KCNMA1: variants seen among roughly 807,000 people sequenced by gnomAD.
KCNMA1 encodes Calcium-activated potassium channel subunit alpha-1.
A neutral mutation model predicts 140.0 loss-of-function variants in KCNMA1; 29 were observed. The ratio of observed to expected loss-of-function variants is 0.21; its 90% CI spans 0.15 to 0.28. The LOEUF is 0.28. Ranked by LOEUF, KCNMA1 falls within the 10% of genes least tolerant of loss-of-function variation. The pLI is 1.00. For missense variants in KCNMA1, 880 were observed against 1,602.2 expected, an observed-to-expected ratio of 0.55 and a Z score of 7.70; for synonymous variants, 612 against 611.9, an observed-to-expected ratio of 1.00 and a Z score of 0.00.
chr10:77,523,833 T>A (rs547391307), intron 1 of KCNMA1, among the ~76,000 whole-genome samples: 5 of 152,224 alleles, frequency 3.3e-5, no homozygotes, highest in South Asian at 4.1e-4. Flanking sequence ...GGCAGGATGG[T>A]TAATGGATAC....
intron 3 of KCNMA1, among the ~76,000 whole-genome samples, chr10:77,203,262 G>A (rs2043010507): frequency 6.6e-6 from 1 of 152,160 alleles, no homozygotes; most frequent in Non-Finnish European, 1.5e-5. Context: ...TGTAACAGTG[G>A]AAGACAGAAG....
intron 2 of KCNMA1, among the ~76,000 whole-genome samples, chr10:77,365,718 C>T (rs565885473): frequency 4.6e-5 from 7 of 152,264 alleles, no homozygotes; most frequent in Non-Finnish European, 7.3e-5. Context: ...GTGAACTTGC[C>T]GCTGACTTCC....
At chr10:77,386,486 G>T (rs912387406) in intron 2 of KCNMA1, among the ~76,000 whole-genome samples, 1 of 152,132 alleles carries the variant, frequency 6.6e-6, no homozygotes, top group African/African-American at 2.4e-5. Context: ...TCTACCAATT[G>T]CCTGAAATTC....
At chr10:77,198,505 G>A (rs946915725) in intron 3 of KCNMA1, among the ~76,000 whole-genome samples, 7 of 150,412 alleles carry the variant, frequency 4.7e-5, no homozygotes, top group Non-Finnish European at 1.5e-5. Context: ...CCCTAGTTAC[G>A]AGCAAGATTC....
chr10:76,986,701 C>A (rs770090276), intron 19 of KCNMA1, among the ~76,000 whole-genome samples: 2 of 152,178 alleles, frequency 1.3e-5, no homozygotes, highest in Non-Finnish European at 2.9e-5. Flanking sequence ...AGGTGCACAC[C>A]CTGCCTTAAA....
chr10:76,970,329 GAAAAAAA>G (rs10563488), intron 19 of KCNMA1: 23 of 187,006 alleles, frequency 1.2e-4, no homozygotes, highest in Admixed American at 2.8e-4. Flanking sequence ...CCTGCCATAA[GAAAAAAA>G]AAAAAAAAAA....
chr10:77,151,496 G>A (rs1325143019), intron 5 of KCNMA1, among the ~76,000 whole-genome samples: 2 of 152,046 alleles, frequency 1.3e-5, no homozygotes, highest in Admixed American at 1.3e-4. Context: ...TGAAGTGCTG[G>A]GATTACAGGC....
At chr10:77,496,392 C>A (rs1189239744) in intron 1 of KCNMA1, among the ~76,000 whole-genome samples, 1 of 151,928 alleles carries the variant, frequency 6.6e-6, no homozygotes, top group African/African-American at 2.4e-5. Context: ...GTCAGGAGAT[C>A]GAGACCATAC....
At chr10:77,478,744 A>G (rs1224681628) in intron 1 of KCNMA1, among the ~76,000 whole-genome samples, 5 of 152,228 alleles carry the variant, frequency 3.3e-5, no homozygotes, top group Non-Finnish European at 7.3e-5. Flanking sequence ...AGTCTGTTAA[A>G]TAAATAAACC....
At chr10:77,356,379 T>C (rs1310577121) in intron 2 of KCNMA1, among the ~76,000 whole-genome samples, 1 of 152,210 alleles carries the variant, frequency 6.6e-6, no homozygotes, top group Non-Finnish European at 1.5e-5. Flanking sequence ...AAATCTTCAA[T>C]AGTCTTTAGC....
At chr10:77,128,527 C>G (rs568068028) in intron 5 of KCNMA1, among the ~76,000 whole-genome samples, 1 of 151,836 alleles carries the variant, frequency 6.6e-6, no homozygotes, top group African/African-American at 2.4e-5. Flanking sequence ...CTCAGCACCC[C>G]CTACCTGCAT....
At chr10:77,338,166 C>T (rs1183090603) in intron 2 of KCNMA1, among the ~76,000 whole-genome samples, 1 of 152,174 alleles carries the variant, frequency 6.6e-6, no homozygotes, top group African/African-American at 2.4e-5. Context: ...TCAAGCCTCT[C>T]TTTGGTCACA....
chr10:77,147,090 C>T (rs1485163548), intron 5 of KCNMA1, among the ~76,000 whole-genome samples: 1 of 152,234 alleles, frequency 6.6e-6, no homozygotes, highest in Non-Finnish European at 1.5e-5. Context: ...ACTCGACTTG[C>T]AAGCCAGTGA....
chr10:77,584,259 A>G (rs2076631908), intron 1 of KCNMA1, among the ~76,000 whole-genome samples: 1 of 152,180 alleles, frequency 6.6e-6, no homozygotes, highest in African/African-American at 2.4e-5. Flanking sequence ...TCCCCTAGCA[A>G]CAAGCACCAA....
At chr10:77,364,222 G>A (rs2094191519) in intron 2 of KCNMA1, among the ~76,000 whole-genome samples, 2 of 152,088 alleles carry the variant, frequency 1.3e-5, no homozygotes, top group African/African-American at 2.4e-5. Context: ...AGGTCAAGGT[G>A]GGCGGACTAC....
At chr10:77,054,872 T>C (rs1362631411) in intron 14 of KCNMA1, among the ~76,000 whole-genome samples, 2 of 152,128 alleles carry the variant, frequency 1.3e-5, no homozygotes, top group African/African-American at 2.4e-5. Context: ...AACGGCCACC[T>C]CACATTGTTC....
chr10:77,134,997 C>CAAACAAAA (rs2097962838), intron 5 of KCNMA1, among the ~76,000 whole-genome samples: 1 of 11,768 alleles, frequency 8.5e-5, no homozygotes, highest in Non-Finnish European at 1.8e-4. Context: ...GACTCTGTCT[C>CAAACAAAA]AAAAAAAAAA....
chr10:77,005,923 C>T (rs2088392838), intron 18 of KCNMA1, among the ~76,000 whole-genome samples: 1 of 152,204 alleles, frequency 6.6e-6, no homozygotes, highest in Admixed American at 6.5e-5. Context: ...TTCTCAAAGG[C>T]CATGATCATG....
At chr10:77,557,251 A>G (rs2064832035) in intron 1 of KCNMA1, among the ~76,000 whole-genome samples, 1 of 152,210 alleles carries the variant, frequency 6.6e-6, no homozygotes, top group Non-Finnish European at 1.5e-5. Context: ...CAAGAACACT[A>G]TGAATCCAGG....
Sources: allele counts gnomAD v4.1 joint callset (sites outside exome capture counted in the v4.1 genomes callset), GRCh38; gene constraint gnomAD v4.1.1; transcripts MANE v1.5; gene names NCBI Gene and HGNC (gene_info 2026-07-23, HGNC 2026-07-21).